Variants in FGGY observed in about 807,000 individuals in gnomAD.
The protein encoded by FGGY is FGGY carbohydrate kinase domain-containing protein.
A neutral mutation model predicts 71.3 loss-of-function variants in FGGY; 72 were observed. The observed-to-expected ratio is 1.01, with a 90% CI of 0.84 to 1.23. The LOEUF is 1.23. Ranked by LOEUF, FGGY falls within the 50% of genes most tolerant of loss-of-function variation. The pLI is 0.00. For synonymous variants in FGGY, 251 were observed against 250.3 expected, an observed-to-expected ratio of 1.00 and a Z score of -0.02; for missense variants, 668 against 682.3, an observed-to-expected ratio of 0.98 and a Z score of 0.23.
intron 7 of FGGY, among the ~76,000 whole-genome samples, chr1:59,514,012 T>G (rs1418399222): frequency 6.6e-6 from 1 of 152,236 alleles, no homozygotes; most frequent in Non-Finnish European, 1.5e-5. Flanking sequence ...GTAACGTAGT[T>G]CTGATTACAG....
At chr1:59,553,222 C>T (rs758964311) in intron 7 of FGGY, among the ~76,000 whole-genome samples, 2 of 152,140 alleles carry the variant, frequency 1.3e-5, no homozygotes, top group Non-Finnish European at 2.9e-5. Flanking sequence ...CAAGTCTCTG[C>T]GTCCTGCCTG....
chr1:59,584,270 A>G lies in FGGY; in HGVS notation c.904-23533A>G, dbSNP rs1042990674. On this transcript the variant is annotated intron_variant, in intron 8 of 15. Transcript: ENST00000303721. ...ATGAACATCGATGCAAAAATCCTCA[A>G]TAAAATACTGGCAAACCGAATTCAG... 3.3e-4 allele frequency among the ~76,000 whole-genome samples: 50 copies of G among 149,942 alleles called. 3 individuals carry two copies. Among genetic ancestry groups the G allele is most frequent in the African/African-American group, 1.2e-3 (48 of 39,636 alleles).
At chr1:59,457,144 G>A (rs2091785841) in intron 6 of FGGY, 68 bp downstream of exon 6, 3 of 1,171,980 alleles carry the variant, frequency 2.6e-6, no homozygotes, top group South Asian at 1.3e-5. Flanking sequence ...TGTTGTTATT[G>A]TGGTTTGTAT....
intron 8 of FGGY, among the ~76,000 whole-genome samples, chr1:59,593,058 C>G (rs899101857): frequency 6.6e-6 from 1 of 152,028 alleles, no homozygotes; most frequent in Non-Finnish European, 1.5e-5. Context: ...ACATATACAC[C>G]CTGATGCTGA....
chr1:59,370,185 A>G (rs1013847725), intron 4 of FGGY, among the ~76,000 whole-genome samples: 2 of 152,210 alleles, frequency 1.3e-5, no homozygotes, highest in African/African-American at 4.8e-5. Flanking sequence ...AGATGAATGT[A>G]TAACTAGAAT....
At chr1:59,664,174 A>C (rs1398282071) in intron 12 of FGGY, among the ~76,000 whole-genome samples, 1 of 152,254 alleles carries the variant, frequency 6.6e-6, no homozygotes, top group East Asian at 1.9e-4. Context: ...GGTTCTGTAC[A>C]TTCCCAGTGG....
intron 8 of FGGY, among the ~76,000 whole-genome samples, chr1:59,585,489 C>T (rs921041155): frequency 6.2e-4 from 95 of 152,294 alleles, no homozygotes; most frequent in Non-Finnish European, 1.0e-3. Context: ...GAAACTGGAT[C>T]CCTTCCTTAC....
chr1:59,331,275 A>AT (rs1437556949), intron 2 of FGGY, among the ~76,000 whole-genome samples: 1 of 152,162 alleles, frequency 6.6e-6, no homozygotes, highest in African/African-American at 2.4e-5. Flanking sequence ...TCATCTTATC[A>AT]TCAAATGGCA....
At chr1:59,762,477 T>A in intron 15 of FGGY, 26 bp from the exon 16 acceptor site, 1 of 1,582,032 alleles carries the variant, frequency 6.3e-7, no homozygotes, top group Non-Finnish European at 8.7e-7. Flanking sequence ...TTGAGATCAT[T>A]CAACATATTT....
At chr1:59,501,400 A>G (rs1442806997) in intron 6 of FGGY, among the ~76,000 whole-genome samples, 1 of 151,914 alleles carries the variant, frequency 6.6e-6, no homozygotes, top group South Asian at 2.1e-4. Context: ...AGTTTTCTTT[A>G]TGTGATCTTT....
Position 59,626,014 on chromosome 1 carries a change from T to G in FGGY, c.1038T>G (p.Ala346=). The G allele has an allele frequency of 6.2e-7, 1 of 1,613,668 alleles. No homozygotes were observed. The highest frequency in any genetic ancestry group is 8.5e-7 in the Non-Finnish European group (1 of 1,179,726). Residue 346 remains alanine, a synonymous_variant, in exon 10 of 16, where the codon GCT becomes GCG. Coordinates refer to ENST00000303721, the MANE Select transcript of FGGY (RefSeq NM_018291.5). Reference sequence around the variant, plus strand: ...TAGACCACATGGTACAAGGCCATGCTGCTTTTCCAGAACTACAAGTAAAGG... The same window carrying G: ...TAGACCACATGGTACAAGGCCATGCGGCTTTTCCAGAACTACAAGTAAAGG... ...KLIDHMVQGH[A]AFPELQVKAT...
At chr1:59,593,643 A>C (rs1442807848) in intron 8 of FGGY, among the ~76,000 whole-genome samples, 2 of 152,200 alleles carry the variant, frequency 1.3e-5, no homozygotes, top group African/African-American at 4.8e-5. Flanking sequence ...CCTTTCAGCC[A>C]AACCATGCCT....
intron 7 of FGGY, among the ~76,000 whole-genome samples, chr1:59,533,790 C>G (rs1178076764): frequency 6.6e-6 from 1 of 152,198 alleles, no homozygotes; most frequent in Non-Finnish European, 1.5e-5. Flanking sequence ...AGAAGGAAAA[C>G]TAACAAACAG....
At chr1:59,588,523 T>G (rs1239665774) in intron 8 of FGGY, among the ~76,000 whole-genome samples, 1 of 152,060 alleles carries the variant, frequency 6.6e-6, no homozygotes, top group African/African-American at 2.4e-5. Context: ...GAAAAAATAT[T>G]AAGGGCAGCC....
chr1:59,369,613 A>G (rs1314677741), intron 4 of FGGY, among the ~76,000 whole-genome samples: 1 of 152,210 alleles, frequency 6.6e-6, no homozygotes, highest in East Asian at 1.9e-4. Flanking sequence ...TGCCTCCTCA[A>G]GTGGGTCCCT....
At chr1:59,543,149 C>G (rs146135709) in intron 7 of FGGY, among the ~76,000 whole-genome samples, 63 of 152,316 alleles carry the variant, frequency 4.1e-4, no homozygotes, top group African/African-American at 1.4e-3. Context: ...CTGTTGTTCT[C>G]TTTGAAACTA....
intron 3 of FGGY, among the ~76,000 whole-genome samples, chr1:59,340,732 C>T (rs1258592424): frequency 1.3e-5 from 2 of 151,400 alleles, no homozygotes; most frequent in Admixed American, 6.6e-5. Context: ...GTTACAAACC[C>T]GAAAGTCTAT....
chr1:59,637,521 GAATC>G (rs2096973259), intron 10 of FGGY, among the ~76,000 whole-genome samples: 1 of 152,078 alleles, frequency 6.6e-6, no homozygotes, highest in African/African-American at 2.4e-5. Context: ...AGAATCGCTT[GAATC>G]TGGGAGGCGG....
At chr1:59,435,745 CGTGT>C (rs10563712) in intron 5 of FGGY, among the ~76,000 whole-genome samples, 10,332 of 142,180 alleles carry the variant, frequency 0.073, 380 homozygotes, top group South Asian at 0.12. Flanking sequence ...TGTGTGCCTG[CGTGT>C]GTGTGTGTGT....
Sources: gnomAD v4.1 joint callset for allele counts (sites outside exome capture counted in the v4.1 genomes callset) on GRCh38, gnomAD v4.1.1 for gene constraint, MANE v1.5 for transcripts, NCBI Gene and HGNC (gene_info 2026-07-23, HGNC 2026-07-21) for gene names.